Variants in HCN1 observed in about 807,000 individuals in gnomAD.
HCN1 encodes potassium/sodium hyperpolarization-activated cyclic nucleotide-gated channel 1.
HCN1 carries 13 observed loss-of-function variants against 78.9 expected under a neutral mutation model. The ratio of observed to expected loss-of-function variants is 0.16; its 90% CI spans 0.11 to 0.26. The LOEUF is 0.26. HCN1 is among the 10% of genes least tolerant of loss of function. HCN1 has a pLI of 1.00. For synonymous variants in HCN1, 552 were observed against 455.5 expected (o/e 1.21, Z -2.70); for missense variants, 810 against 1,154.3 (o/e 0.70, Z 4.32).
At chr5:45,353,404 T>C (rs1481454051) in intron 4 of HCN1, among the ~76,000 whole-genome samples, 158 bp from the exon 5 acceptor site, 2 of 152,038 alleles carry the variant, frequency 1.3e-5, no homozygotes, top group Non-Finnish European at 2.9e-5. Flanking sequence ...GGGTCTAATG[T>C]ACCTATTTTG....
chr5:45,649,733 A>C (rs140573466), intron 1 of HCN1, among the ~76,000 whole-genome samples: 357 of 152,262 alleles, frequency 2.3e-3, no homozygotes, highest in Non-Finnish European at 4.0e-3. Context: ...ATTTTCTGCT[A>C]TAAGATAGAT....
chr5:45,422,714 T>C (rs1004511829), intron 3 of HCN1, among the ~76,000 whole-genome samples: 8 of 152,142 alleles, frequency 5.3e-5, no homozygotes, highest in African/African-American at 1.7e-4. Context: ...GAATCAGCAA[T>C]AGTTTTTTTA....
chr5:45,533,903 G>A (rs1258338389), intron 2 of HCN1, among the ~76,000 whole-genome samples: 1 of 152,190 alleles, frequency 6.6e-6, no homozygotes, highest in East Asian at 1.9e-4. Flanking sequence ...GCAGGGCACA[G>A]TTCTGTGGGC....
At chr5:45,286,621 T>C (rs2111877427) in intron 6 of HCN1, among the ~76,000 whole-genome samples, 1 of 152,160 alleles carries the variant, frequency 6.6e-6, no homozygotes, top group East Asian at 1.9e-4. Context: ...ATCAACTGAC[T>C]TGTTAGTATT....
intron 6 of HCN1, among the ~76,000 whole-genome samples, chr5:45,270,075 A>T (rs1243446156): frequency 6.6e-6 from 1 of 152,196 alleles, no homozygotes; most frequent in Admixed American, 6.5e-5. Context: ...CAGCACTTCA[A>T]TGATGCCAAG....
intron 5 of HCN1, among the ~76,000 whole-genome samples, chr5:45,310,207 CT>C (rs1223313367): frequency 6.6e-6 from 1 of 152,050 alleles, no homozygotes; most frequent in East Asian, 1.9e-4. Flanking sequence ...CCAAAATAAA[CT>C]ATCAACAGAG....
chr5:45,604,408 G>A (rs1744684913), intron 2 of HCN1, among the ~76,000 whole-genome samples: 1 of 151,666 alleles, frequency 6.6e-6, no homozygotes, highest in African/African-American at 2.4e-5. Flanking sequence ...CAACTTTCCA[G>A]TTAGGAACAT....
At chr5:45,377,298 T>G (rs1238045185) in intron 4 of HCN1, among the ~76,000 whole-genome samples, 1 of 152,022 alleles carries the variant, frequency 6.6e-6, no homozygotes, top group Non-Finnish European at 1.5e-5. Context: ...TTCAAGATAC[T>G]TAATAAAATT....
intron 4 of HCN1, among the ~76,000 whole-genome samples, chr5:45,395,478 C>A (rs1483911051): frequency 6.6e-6 from 1 of 152,074 alleles, no homozygotes; most frequent in Admixed American, 6.6e-5. Context: ...TAGCTAGTGG[C>A]AGTATAATTA....
At chr5:45,584,188 A>G (rs1311220294) in intron 2 of HCN1, among the ~76,000 whole-genome samples, 2 of 152,028 alleles carry the variant, frequency 1.3e-5, no homozygotes, top group African/African-American at 4.8e-5. Context: ...GTCTCTAAGG[A>G]CTTGCTTTAT....
chr5:45,498,958 G>A lies in HCN1; in HGVS notation c.850-36951C>T, dbSNP rs989644404. Among the ~76,000 whole-genome samples the A allele has an allele frequency of 1.1e-4, 16 of 152,262 alleles. 1 individual carries two copies. The highest frequency in any genetic ancestry group is 4.6e-4 in the Admixed American group (7 of 15,296). On this transcript the variant is annotated intron_variant, in intron 2 of 7. Coordinates refer to ENST00000303230, the MANE Select transcript of HCN1 (RefSeq NM_021072.4). ...TGCCCATTCTCAGATCTCCAGCTGC[G>A]TGCTGGGAGAACCACTACTCTTCTT...
intron 5 of HCN1, among the ~76,000 whole-genome samples, chr5:45,318,111 C>G (rs981556361): frequency 6.6e-6 from 1 of 152,126 alleles, no homozygotes; most frequent in Admixed American, 6.6e-5. Flanking sequence ...AAAACACACG[C>G]ACACTTATGT....
chr5:45,511,756 G>C (rs1742420734), intron 2 of HCN1, among the ~76,000 whole-genome samples: 1 of 152,002 alleles, frequency 6.6e-6, no homozygotes, highest in African/African-American at 2.4e-5. Context: ...TCCCAGAAGA[G>C]AAAGAGGACG....
Position 45,575,700 on chromosome 5 carries a change from T to C in HCN1, c.849+69485A>G, listed in dbSNP as rs905952358. ...ATACTTTAAGCCCACTCTTGAGACCTACTGCTCAGAAAAAAAGATTTCTTT... is the reference window on the plus strand; with the variant it reads ...ATACTTTAAGCCCACTCTTGAGACCCACTGCTCAGAAAAAAAGATTTCTTT... On this transcript the variant is annotated intron_variant, in intron 2 of 7. Transcript: ENST00000303230. The C allele has an allele frequency of 2.0e-5, 3 of 152,084 alleles. No individual in the cohort carries two copies. In the East Asian group the frequency reaches 5.8e-4, roughly 29 times the overall value. The allele number at this position is 152,084 out of a possible 1,614,324, so 9.4% of individuals were successfully genotyped here.
At position 45,258,546 on chromosome 5, in the gene HCN1, C is replaced by T. The variant is rs1744667000; in HGVS notation, c.*3375G>A. 1 of 152,084 alleles carries T rather than the reference C, an allele frequency of 6.6e-6. No homozygotes were observed. Among genetic ancestry groups the T allele is most frequent in the Admixed American group, 6.5e-5 (1 of 15,278 alleles). The allele number at this position is 152,084 out of a possible 1,614,324, so 9.4% of individuals were successfully genotyped here. A position where few individuals can be genotyped will look rare whatever the true frequency, so the allele number is the denominator to read the frequency against. On this transcript the variant is annotated 3_prime_UTR_variant, in exon 8 of 8. Coordinates refer to ENST00000303230, the MANE Select transcript of HCN1 (RefSeq NM_021072.4). The stretch of plus-strand genomic sequence containing the variant: ...CCTCCTTGTTTTCAGGAATGCTTCA[C>T]TACTTATTCTCATTATGATAAACTC...
At chr5:45,609,792 T>C (rs1302980694) in intron 2 of HCN1, among the ~76,000 whole-genome samples, 1 of 152,160 alleles carries the variant, frequency 6.6e-6, no homozygotes, top group Admixed American at 6.6e-5. Context: ...CACAGTGTTA[T>C]AACATGCAGG....
intron 3 of HCN1, among the ~76,000 whole-genome samples, chr5:45,414,267 C>T (rs909886523): frequency 1.3e-5 from 2 of 151,954 alleles, no homozygotes; most frequent in Non-Finnish European, 2.9e-5. Flanking sequence ...AATCTTGTCT[C>T]CCTCCTCCAT....
intron 2 of HCN1, among the ~76,000 whole-genome samples, chr5:45,596,749 T>C (rs908772538): frequency 1.9e-4 from 29 of 152,188 alleles, no homozygotes; most frequent in Admixed American, 1.6e-3. Context: ...CATTTTGTCA[T>C]GGCAAACAGT....
intron 4 of HCN1, 58 bp downstream of exon 4, chr5:45,396,434 C>T: frequency 7.5e-7 from 1 of 1,329,052 alleles, no homozygotes; most frequent in Non-Finnish European, 1.1e-6. Context: ...GAACACAATT[C>T]AATTTACTGG....
Sources: allele counts gnomAD v4.1 joint callset (sites outside exome capture counted in the v4.1 genomes callset), GRCh38; gene constraint gnomAD v4.1.1; transcripts MANE v1.5; gene names NCBI Gene and HGNC (gene_info 2026-07-23, HGNC 2026-07-21).